Variants in FAIM2 observed in about 807,000 individuals in gnomAD.
FAIM2 encodes protein lifeguard 2.
FAIM2 carries 27 observed loss-of-function variants against 47.4 expected under a neutral mutation model. That is an observed-to-expected ratio of 0.57 (90% CI 0.42 to 0.78). The LOEUF (loss-of-function observed/expected upper bound fraction) is 0.78, where lower values mean the gene tolerates loss of function less well. Among genes scored for constraint, FAIM2 ranks in the 30% least tolerant of loss-of-function variants. The pLI is 0.00. For synonymous variants in FAIM2, 156 were observed against 159.3 expected (o/e 0.98, Z 0.16); for missense variants, 311 against 389.4 (o/e 0.80, Z 1.69).
chr12:49,872,921 C>T (rs985402445), intron 11 of FAIM2, among the ~76,000 whole-genome samples: 1 of 152,198 alleles, frequency 6.6e-6, no homozygotes, highest in Non-Finnish European at 1.5e-5. Context: ...TTAATGAATG[C>T]TTGCTATTAT....
chr12:49,884,015 A>C (rs1946843743), intron 11 of FAIM2, among the ~76,000 whole-genome samples: 1 of 152,188 alleles, frequency 6.6e-6, no homozygotes, highest in South Asian at 2.1e-4. Context: ...TGAGGTCAGG[A>C]GTTCAAGACC....
rs1946760425 is a variant in FAIM2 at position 49,878,411 on chromosome 12, AGT to A, written c.802-7760_802-7759del. Among the ~76,000 whole-genome samples the A allele has an allele frequency of 1.9e-4, 6 of 31,150 alleles. 1 individual carries two copies. The East Asian group carries it at 3.6e-3, about 19-fold the overall frequency. The allele number at this position is 31,150 out of a possible 152,430, so 20.4% of individuals were successfully genotyped here. A position where few individuals can be genotyped will look rare whatever the true frequency, so the allele number is the denominator to read the frequency against. On this transcript the variant is annotated intron_variant, in intron 11 of 11. Transcript: ENST00000320634. ...ATATGTGTGTGTCTGTGTGCATGTG[AGT>A]GTATGTGTGTGTATATGTGCAAGTG... is the stretch of plus-strand genomic sequence containing the variant.
chr12:49,890,558 T>G, intron 7 of FAIM2, 125 bp downstream of exon 7: 1 of 876,036 alleles, frequency 1.1e-6, no homozygotes, highest in Non-Finnish European at 1.9e-6. Flanking sequence ...AAAACACCCC[T>G]GCCCCGCCAG....
chr12:49,877,319 C>T (rs1334973309), intron 11 of FAIM2, among the ~76,000 whole-genome samples: 2 of 152,210 alleles, frequency 1.3e-5, no homozygotes, highest in Non-Finnish European at 2.9e-5. Flanking sequence ...AGTCCACCCA[C>T]CCCAGCCCAG....
chr12:49,881,191 G>A (rs571097115), intron 11 of FAIM2, among the ~76,000 whole-genome samples: 2 of 151,740 alleles, frequency 1.3e-5, no homozygotes, highest in East Asian at 3.9e-4. Flanking sequence ...ACCCACCCCG[G>A]CTCTGGGACA....
At chr12:49,880,744 A>ATG (rs1402608330) in intron 11 of FAIM2, among the ~76,000 whole-genome samples, 7 of 143,400 alleles carry the variant, frequency 4.9e-5, no homozygotes, top group Admixed American at 1.4e-4. Context: ...GTATGTGTGC[A>ATG]TGTGTGTGTG....
intron 11 of FAIM2, among the ~76,000 whole-genome samples, chr12:49,880,052 A>G (rs889660741): frequency 3.7e-5 from 5 of 134,096 alleles, no homozygotes; most frequent in Admixed American, 3.7e-4. Flanking sequence ...GCATGTGTAT[A>G]TATGTATTTA....
chr12:49,878,800 A>ATGTGCGTCTGTGTGTG (rs796913911), intron 11 of FAIM2, among the ~76,000 whole-genome samples: 1 of 78,512 alleles, frequency 1.3e-5, no homozygotes, highest in African/African-American at 8.3e-5. Context: ...CTGTGTGTAT[A>ATGTGCGTCTGTGTGTG]TGTGTGCATG....
chr12:49,888,773 C>T (rs1946878713), intron 10 of FAIM2, among the ~76,000 whole-genome samples: 1 of 152,204 alleles, frequency 6.6e-6, no homozygotes, highest in Non-Finnish European at 1.5e-5. Flanking sequence ...TCTGGCGGGC[C>T]TCATGGAGCC....
At chr12:49,892,675 C>T (rs1034444153) in intron 5 of FAIM2, among the ~76,000 whole-genome samples, 3 of 152,168 alleles carry the variant, frequency 2.0e-5, no homozygotes, top group Non-Finnish European at 4.4e-5. Context: ...CTGGTTCCCT[C>T]GATGTGGGGT....
At position 49,874,300 on chromosome 12, in the gene FAIM2, C is replaced by T. The variant is rs1398666216; in HGVS notation, c.802-3647G>A. 6.6e-6 allele frequency among the ~76,000 whole-genome samples: 1 copy of T among 152,140 alleles called. No homozygotes were observed. Among genetic ancestry groups the T allele is most frequent in the Admixed American group, 6.5e-5 (1 of 15,278 alleles). On this transcript the variant is annotated intron_variant, in intron 11 of 11. Coordinates refer to ENST00000320634, the MANE Select transcript of FAIM2 (RefSeq NM_012306.4). This position sits in a 1 kb window ranked among gnomAD's most constrained non-coding sequence, Gnocchi z 4.2. ...AACACTTGATCTCATCTCCCTCTCCCCATTTGCCCTGGGAGGTGGGCGTCC... is the reference window on the plus strand; with the variant it reads ...AACACTTGATCTCATCTCCCTCTCCTCATTTGCCCTGGGAGGTGGGCGTCC...
At chr12:49,877,867 A>T (rs1946748560) in intron 11 of FAIM2, among the ~76,000 whole-genome samples, 2 of 141,358 alleles carry the variant, frequency 1.4e-5, no homozygotes, top group African/African-American at 2.6e-5. Flanking sequence ...TGTGTGTGTG[A>T]GTGTATACAT....
Position 49,870,577 on chromosome 12 carries a change from G to C in FAIM2, c.878C>G (p.Ala293Gly). 2 of 1,613,754 alleles carry C rather than the reference G, an allele frequency of 1.2e-6. No homozygotes were observed. Among genetic ancestry groups the C allele is most frequent in the Non-Finnish European group, 8.5e-7 (1 of 1,179,714 alleles). The change falls in exon 12 of 12, where the codon GCC becomes GGC. Residue 293 changes from alanine to glycine, a missense_variant. Coordinates refer to ENST00000320634, the MANE Select transcript of FAIM2 (RefSeq NM_012306.4). ...SLSPEEYIFG[A>G]LNIYLDIIYI... ...GATGATGTCTAGGTAAATGTTGAGG[G>C]CTCCAAAAATATACTCCTCAGGGCT...
chr12:49,903,793 G>C lies in FAIM2; in HGVS notation c.-1C>G, dbSNP rs907852490. 3 of 1,545,752 alleles carry C rather than the reference G, an allele frequency of 1.9e-6. No individual in the cohort carries two copies. In the African/African-American group the frequency reaches 4.1e-5, roughly 21 times the overall value. ...ATGCCGGTACCTTTCCCTGGGTCAT[G>C]GTGCCGTCTCTCGGGGAAGGGGTCC... On this transcript the variant is annotated 5_prime_UTR_variant, in exon 1 of 12. Transcript: ENST00000320634.
At chr12:49,870,760 C>T in intron 11 of FAIM2, 107 bp from the exon 12 acceptor site, 5 of 1,077,818 alleles carry the variant, frequency 4.6e-6, no homozygotes, top group South Asian at 3.0e-5. Context: ...TTTTATTACC[C>T]TCACCAGCTG....
At chr12:49,878,392 G>GAGTGTATGTGTGTA (rs1946759595) in intron 11 of FAIM2, among the ~76,000 whole-genome samples, 1 of 125,234 alleles carries the variant, frequency 8.0e-6, no homozygotes, top group African/African-American at 3.2e-5. Context: ...GTGTATATGT[G>GAGTGTATGTGTGTA]TGTGTCTGTG....
chr12:49,883,667 T>C (rs1946841359), intron 11 of FAIM2, among the ~76,000 whole-genome samples: 2 of 152,038 alleles, frequency 1.3e-5, no homozygotes, highest in Non-Finnish European at 2.9e-5. Flanking sequence ...ATTCAAAGCT[T>C]TGAGGCTGCC....
At chr12:49,893,094 G>C (rs1946911673) in intron 5 of FAIM2, among the ~76,000 whole-genome samples, 1 of 152,146 alleles carries the variant, frequency 6.6e-6, no homozygotes, top group Non-Finnish European at 1.5e-5. Context: ...CTCTGGCTTG[G>C]ACTGTTGCAG....
In FAIM2 at chr12:49,880,198, A is replaced by ATG. The variant is rs147028479; in HGVS notation, c.801+7186_801+7187dup. Among the ~76,000 whole-genome samples the ATG allele has an allele frequency of 2.1e-4, 27 of 128,720 alleles. 1 individual carries two copies. The highest frequency in any genetic ancestry group is 2.1e-3 in the South Asian group (9 of 4,324). 84.4% of individuals were successfully genotyped at this position (128,720 alleles called of 152,430 possible). On this transcript the variant is annotated intron_variant, in intron 11 of 11. Coordinates refer to ENST00000320634, the MANE Select transcript of FAIM2 (RefSeq NM_012306.4). The stretch of plus-strand genomic sequence containing the variant: ...TGTGTATGCATGTGTGTATATGTGC[A>ATG]TGTGTGTGTGCATGTGTGTATATGT...
Sources: gnomAD v4.1 joint callset for allele counts (sites outside exome capture counted in the v4.1 genomes callset) on GRCh38, gnomAD v4.1.1 for gene constraint, Gnocchi (gnomAD v3.1) non-coding constraint, MANE v1.5 for transcripts, NCBI Gene and HGNC (gene_info 2026-07-23, HGNC 2026-07-21) for gene names.